Variants in SEMA4D observed in about 807,000 individuals in gnomAD.
SEMA4D encodes the protein semaphorin 4D.
Under a neutral mutation model 74.8 loss-of-function variants are expected in SEMA4D, and 22 were observed. The observed-to-expected ratio is 0.29, with a 90% confidence interval of 0.21 to 0.42. The LOEUF is 0.42. Among genes scored for constraint, SEMA4D ranks in the 10% least tolerant of loss-of-function variants. The probability of loss-of-function intolerance (pLI) is 1.00; values close to 1 mark genes in which losing one functional copy is unlikely to be tolerated. For synonymous variants in SEMA4D, 445 were observed against 463.7 expected (o/e 0.96, Z 0.52); for missense variants, 937 against 1,118.4 (o/e 0.84, Z 2.31).
chr9:89,364,232 A>AGC, intron 16 of SEMA4D: 2 of 536,212 alleles, frequency 3.7e-6, no homozygotes, highest in Non-Finnish European at 6.5e-6. Context: ...CCTTTCTTGC[A>AGC]GCGCTGTGCT....
At chr9:89,495,704 G>A (rs964991779) in intron 1 of SEMA4D, among the ~76,000 whole-genome samples, 3 of 152,110 alleles carry the variant, frequency 2.0e-5, no homozygotes, top group Non-Finnish European at 2.9e-5. Context: ...ATATTTTCAC[G>A]TGGCAAGTTT....
chr9:89,396,361 T>C lies in SEMA4D; in HGVS notation c.414+376A>G, dbSNP rs144442635. ...CTTTCCAGCACGTCCCCTCACCCCA[T>C]AGCATGTTCAGGCTACCTGTCCTTC... On this transcript the variant is annotated intron_variant, in intron 6 of 15. Transcript: ENST00000422704. 8.6e-3 allele frequency among the ~76,000 whole-genome samples: 1,311 copies of C among 152,218 alleles called. 19 individuals carry two copies. The highest frequency in any genetic ancestry group is 0.029 in the African/African-American group (1,215 of 41,524).
At position 89,492,668 on chromosome 9, in the gene SEMA4D, T is replaced by C. The variant is rs1825722024; in HGVS notation, c.-310+5251A>G. 2.0e-5 allele frequency among the ~76,000 whole-genome samples: 3 copies of C among 152,186 alleles called. No homozygotes were observed. Among genetic ancestry groups the C allele is most frequent in the African/African-American group, 7.2e-5 (3 of 41,434 alleles). ...CCTTCCAACACCCGATCCAAGACTC[T>C]TGGGTCATCCTGGACCCCTTGCTTG... On this transcript the variant is annotated intron_variant, in intron 1 of 15. Coordinates refer to ENST00000422704, the MANE Select transcript of SEMA4D (RefSeq NM_001371194.2). This position sits in a 1 kb window ranked among gnomAD's most constrained non-coding sequence, Gnocchi z 4.3.
intron 13 of SEMA4D, among the ~76,000 whole-genome samples, chr9:89,384,116 A>G (rs190343079): frequency 1.5e-3 from 222 of 152,234 alleles, no homozygotes; most frequent in African/African-American, 4.2e-3. Flanking sequence ...GTGGGCTCAG[A>G]GAGGGCCGAG....
intron 2 of SEMA4D, among the ~76,000 whole-genome samples, chr9:89,408,074 CCTT>C (rs1843693268): frequency 6.6e-6 from 1 of 152,248 alleles, no homozygotes; most frequent in African/African-American, 2.4e-5. Context: ...ATTTGCAGCT[CCTT>C]GCCATAATGG....
chr9:89,393,719 T>A, intron 6 of SEMA4D, 64 bp from the exon 7 acceptor site: 1 of 1,244,392 alleles, frequency 8.0e-7, no homozygotes, highest in South Asian at 1.2e-5. Flanking sequence ...ACAATGTGTC[T>A]CTGTACCACT....
chr9:89,444,322 A>T (rs550992512), intron 2 of SEMA4D, among the ~76,000 whole-genome samples: 1 of 152,292 alleles, frequency 6.6e-6, no homozygotes, highest in African/African-American at 2.4e-5. Flanking sequence ...ACAGGCAAAC[A>T]CATACAGGCA....
intron 1 of SEMA4D, among the ~76,000 whole-genome samples, chr9:89,461,696 T>TTCTC (rs148655839): frequency 4.0e-5 from 4 of 100,928 alleles, no homozygotes; most frequent in Non-Finnish European, 4.1e-5. Context: ...TATTTCTTTT[T>TTCTC]TCTCTTTTTT....
At chr9:89,392,050 C>T (rs533305606) in intron 8 of SEMA4D, among the ~76,000 whole-genome samples, 24 of 152,378 alleles carry the variant, frequency 1.6e-4, no homozygotes, top group South Asian at 4.1e-4. Flanking sequence ...AGGCTGGGCC[C>T]GGAGGCAGGT....
intron 9 of SEMA4D, among the ~76,000 whole-genome samples, chr9:89,390,669 G>A (rs1839665182): frequency 1.3e-5 from 2 of 152,210 alleles, no homozygotes; most frequent in Admixed American, 1.3e-4. Context: ...CCTGGCCAGG[G>A]ACATGGCGGC....
intron 2 of SEMA4D, among the ~76,000 whole-genome samples, chr9:89,443,006 A>T (rs1406093242): frequency 6.6e-6 from 1 of 152,204 alleles, no homozygotes; most frequent in Non-Finnish European, 1.5e-5. Flanking sequence ...GACCGTGCTC[A>T]GCAGCAGGAG....
downstream of SEMA4D, chr9:89,376,823 C>T (rs752188868): frequency 3.5e-5 from 54 of 1,544,300 alleles, no homozygotes; most frequent in Non-Finnish European, 4.5e-5. Context: ...ACAGAGAGGG[C>T]CCAACTCACC....
Position 89,388,880 on chromosome 9 carries a change from G to T in SEMA4D, c.942C>A (p.Thr314=), listed in dbSNP as rs1455041516. 3 of 1,613,958 alleles carry T rather than the reference G, an allele frequency of 1.9e-6. No homozygotes were observed. In the African/African-American group the frequency reaches 4.0e-5, roughly 22 times the overall value. The stretch of plus-strand genomic sequence containing the variant: ...CCACCCAGGGCACTTACAGCTGTGG[G>T]GTGAAGAGTGCATAGAACACAGGCA... ...LKVPVFYALF[T]PQLNNVGLSA... The change falls in exon 10 of 16, where the codon ACC becomes ACA. Residue 314 remains threonine (T), a synonymous_variant. Coordinates refer to ENST00000422704, the MANE Select transcript of SEMA4D (RefSeq NM_001371194.2).
At chr9:89,420,292 G>A (rs757923608) in intron 2 of SEMA4D, among the ~76,000 whole-genome samples, 20 of 152,252 alleles carry the variant, frequency 1.3e-4, no homozygotes, top group Middle Eastern at 3.4e-3. Context: ...CTTTCTCAGC[G>A]TGCAACCCCA....
chr9:89,362,106 TA>T, exon 19 of SEMA4D: 1 of 560,680 alleles, frequency 1.8e-6, no homozygotes, highest in Non-Finnish European at 3.2e-6. Flanking sequence ...CACGAGCAGC[TA>T]TCAAAGCCTG....
intron 2 of SEMA4D, chr9:89,450,121 AC>A: frequency 8.0e-7 from 1 of 1,251,156 alleles, no homozygotes; most frequent in Non-Finnish European, 1.2e-6. Flanking sequence ...ATGCTGTCAC[AC>A]CAGCTGAAGC....
chr9:89,368,456 A>C (rs1321775958), intron 16 of SEMA4D: 1 of 152,420 alleles, frequency 6.6e-6, no homozygotes, highest in Non-Finnish European at 1.5e-5. Context: ...GTCTTTTCTA[A>C]TCCTGGCCAT....
At chr9:89,424,493 G>A (rs1435560597) in intron 2 of SEMA4D, among the ~76,000 whole-genome samples, 2 of 152,142 alleles carry the variant, frequency 1.3e-5, no homozygotes, top group Non-Finnish European at 2.9e-5. Context: ...CAATGAGTCT[G>A]AAATGATTTA....
At chr9:89,481,863 T>C (rs1433893250) in intron 1 of SEMA4D, among the ~76,000 whole-genome samples, 1 of 152,196 alleles carries the variant, frequency 6.6e-6, no homozygotes, top group Non-Finnish European at 1.5e-5. Context: ...TTTGTGAAGA[T>C]TCAAGGGCCG....
Sources: gnomAD v4.1 joint callset for allele counts (sites outside exome capture counted in the v4.1 genomes callset) on GRCh38, gnomAD v4.1.1 for gene constraint, Gnocchi (gnomAD v3.1) non-coding constraint, MANE v1.5 for transcripts, NCBI Gene and HGNC (gene_info 2026-07-23, HGNC 2026-07-21) for gene names.